APOL5: variants seen among roughly 807,000 people sequenced by gnomAD.
APOL5 encodes the protein apolipoprotein L5.
In APOL5, 29 loss-of-function variants were observed where a neutral mutation model predicts 35.5. That is an observed-to-expected ratio of 0.82 (90% CI 0.61 to 1.11). The LOEUF is 1.11. Ranked by LOEUF, APOL5 falls within the 50% of genes most tolerant of loss-of-function variation. The pLI is 0.00. For missense variants in APOL5, 514 were observed against 530.4 expected, an observed-to-expected ratio of 0.97 and a Z score of 0.30; for synonymous variants, 188 against 200.2, an observed-to-expected ratio of 0.94 and a Z score of 0.51.
chr22:35,714,105 A>T (rs1247067489), upstream of APOL5, among the ~76,000 whole-genome samples: 3 of 152,154 alleles, frequency 2.0e-5, no homozygotes, highest in Non-Finnish European at 4.4e-5. Context: ...TGAGGTCAGG[A>T]GTTTAAGACC....
chr22:35,713,367 C>T (rs576975491), upstream of APOL5, among the ~76,000 whole-genome samples: 14 of 152,262 alleles, frequency 9.2e-5, no homozygotes, highest in African/African-American at 2.4e-4. Flanking sequence ...GGCTTGACAG[C>T]GAAAGAAACA....
the APOL5 span, among the ~76,000 whole-genome samples, chr22:35,709,864 T>C: frequency 6.6e-6 from 1 of 152,112 alleles, no homozygotes; most frequent in South Asian, 2.1e-4. Context: ...TCTTCTCTTC[T>C]TTCCTAAGCT....
upstream of APOL5, among the ~76,000 whole-genome samples, chr22:35,717,013 G>A (rs1405630743): frequency 1.9e-4 from 18 of 94,292 alleles, no homozygotes; most frequent in Admixed American, 6.0e-4. Flanking sequence ...GTGTTGTGCC[G>A]TTGTGTTGTG....
In APOL5 at chr22:35,727,049, G is replaced by A; in HGVS notation, c.981G>A (p.Glu327=). 6.2e-7 allele frequency: 1 copy of A among 1,613,934 alleles called. No homozygotes were observed. Among genetic ancestry groups the A allele is most frequent in the South Asian group, 1.1e-5 (1 of 91,080 alleles). The change falls in exon 3 of 5, where the codon GAG becomes GAA. Residue 327 remains glutamate, a synonymous_variant. Coordinates refer to ENST00000249044, the MANE Select transcript of APOL5 (RefSeq NM_030642.1). ...LEDGARTETA[E]ELRALAKKLE... ...ATGGGGCAAGGACGGAGACAGCAGA[G>A]GAACTGAGAGCACTTGCTAAGAAGC...
In APOL5 at chr22:35,726,278, G is replaced by C. The variant is rs770253459; in HGVS notation, c.210G>C (p.Glu70Asp). The C allele has an allele frequency of 1.9e-6, 3 of 1,614,192 alleles. No homozygotes were observed. Among genetic ancestry groups the C allele is most frequent in the East Asian group, 4.5e-5 (2 of 44,882 alleles). Residue 70 changes from glutamate to aspartate, a missense_variant, in exon 3 of 5, where the codon GAG (glutamate) becomes GAC (aspartate). Transcript: ENST00000249044. The part of the protein sequence containing the change: ...NNLMSTVHSD[E>D]AGMLSYFLFE... ...TGATGTCAACTGTCCACAGTGATGAGGCTGGTATGCTGTCCTACTTTCTGT... is the reference window on the plus strand; with the variant it reads ...TGATGTCAACTGTCCACAGTGATGACGCTGGTATGCTGTCCTACTTTCTGT...
chr22:35,727,109 C>T lies in APOL5; in HGVS notation c.1041C>T (p.His347=), dbSNP rs545674131. ...AGCTGGACCGGCTCACCCAGCACCA[C>T]CGGCACCTGCCGCAGAAGGCGAGCC... ...EQELDRLTQH[H]RHLPQKASQT... Residue 347 remains histidine, a synonymous_variant, in exon 3 of 5, where the codon CAC becomes CAT. Coordinates refer to ENST00000249044, the MANE Select transcript of APOL5 (RefSeq NM_030642.1). 96 of 1,610,154 alleles carry T rather than the reference C, an allele frequency of 6.0e-5. 1 individual carries two copies. Among genetic ancestry groups the T allele is most frequent in the Admixed American group, 4.7e-4 (28 of 60,034 alleles).
chr22:35,720,607 T>A lies in APOL5; in HGVS notation c.95T>A (p.Val32Glu). 4 of 1,614,144 alleles carry A rather than the reference T, an allele frequency of 2.5e-6. No individual in the cohort carries two copies. The highest frequency in any genetic ancestry group is 3.4e-6 in the Non-Finnish European group (4 of 1,180,024). The change falls in exon 2 of 5, where the codon GTA becomes GAA. Residue 32 changes from valine (V) to glutamate (E), a missense_variant. Coordinates refer to ENST00000249044, the MANE Select transcript of APOL5 (RefSeq NM_030642.1). ...TGTAAAGAAATGTGGCTTCGAAAGG[T>A]AATCTACGGAGGTGAGGTCTGGGGG... Reference protein sequence around the residue: ...EGCKEMWLRKVIYGGEVWGKS... With the variant: ...EGCKEMWLRKEIYGGEVWGKS...
At chr22:35,710,181 G>A in the APOL5 span, among the ~76,000 whole-genome samples, 6 of 129,618 alleles carry the variant, frequency 4.6e-5, no homozygotes, top group African/African-American at 1.5e-4. Flanking sequence ...GGAGTGCAGT[G>A]CTGTGATTAT....
Position 35,720,619 on chromosome 22 carries a change from G to A in APOL5, c.107G>A (p.Gly36Asp). ...TGGCTTCGAAAGGTAATCTACGGAG[G>A]TGAGGTCTGGGGGAAGTCCCCAGAA... is the stretch of plus-strand genomic sequence containing the variant. ...EMWLRKVIYG[G>D]EVWGKSPEPE... is the part of the protein sequence containing the mutation. The change falls in exon 2 of 5, where the codon GGT becomes GAT. Residue 36 changes from glycine to aspartate, a missense_variant. Transcript: ENST00000249044. 1.2e-6 allele frequency: 2 copies of A among 1,614,138 alleles called. No individual in the cohort carries two copies. Among genetic ancestry groups the A allele is most frequent in the Non-Finnish European group, 1.7e-6 (2 of 1,180,020 alleles).
rs192678547 is a variant in APOL5 at position 35,722,287 on chromosome 22, T to C, written c.142+1633T>C. ...ATGATTTTTCCTATCTTGGGGAAAA[T>C]CAGCCAGTGGTTGAGGCAGACTAGA... On this transcript the variant is annotated intron_variant, in intron 2 of 4. Transcript: ENST00000249044. Among the ~76,000 whole-genome samples, 72 of 152,232 alleles carry C rather than the reference T, an allele frequency of 4.7e-4. 1 individual carries two copies. The East Asian group carries it at 0.01, about 22-fold the overall frequency.
upstream of APOL5, among the ~76,000 whole-genome samples, chr22:35,714,339 C>T (rs1294281472): frequency 3.3e-5 from 5 of 152,076 alleles, no homozygotes; most frequent in Non-Finnish European, 7.4e-5. Context: ...TAAAAATCTG[C>T]GTTATCCCTC....
At chr22:35,715,576 G>A (rs901322972), upstream of APOL5, among the ~76,000 whole-genome samples, 1 of 152,152 alleles carries the variant, frequency 6.6e-6, no homozygotes, top group Non-Finnish European at 1.5e-5. Flanking sequence ...AACAAGGGAG[G>A]CAGAGGTTGC....
At position 35,727,168 on chromosome 22, in the gene APOL5, G is replaced by A. The variant is rs201903384; in HGVS notation, c.1100G>A (p.Arg367Gln). ...TCSSSRGRAV[R>Q]GSRVVKPEGS... ...TCCAGCTCCCGGGGCAGGGCTGTTC[G>A]AGGATCCCGTGTGGTTAAACCAGAA... Residue 367 changes from arginine (R) to glutamine (Q), a missense_variant, in exon 3 of 5, where the codon CGA becomes CAA. Physicochemically the swap from Arg to Gln is conservative, Grantham distance 43. Coordinates refer to ENST00000249044, the MANE Select transcript of APOL5 (RefSeq NM_030642.1). The A allele has an allele frequency of 9.4e-6, 15 of 1,603,666 alleles. No homozygotes were observed. The Admixed American group carries it at 2.3e-4, about 25-fold the overall frequency.
At chr22:35,717,489 CA>C (rs1926793075), upstream of APOL5, among the ~76,000 whole-genome samples, 1 of 150,128 alleles carries the variant, frequency 6.7e-6, no homozygotes, top group Non-Finnish European at 1.5e-5. Context: ...CCTGTAATCC[CA>C]GCATTTTGAG....
intron 3 of APOL5, among the ~76,000 whole-genome samples, chr22:35,727,438 T>A (rs988123193): frequency 1.3e-5 from 2 of 152,120 alleles, no homozygotes; most frequent in African/African-American, 4.8e-5. Context: ...CCCATATTTG[T>A]GTGTTTGTGG....
At chr22:35,708,881 C>T in the APOL5 span, among the ~76,000 whole-genome samples, 15 of 152,162 alleles carry the variant, frequency 9.9e-5, no homozygotes, top group Non-Finnish European at 1.8e-4. Context: ...GTGGACTACT[C>T]GAGAGGTAGC....
intron 2 of APOL5, among the ~76,000 whole-genome samples, chr22:35,724,511 A>G (rs748643351): frequency 6.6e-6 from 1 of 152,118 alleles, no homozygotes; most frequent in Non-Finnish European, 1.5e-5. Flanking sequence ...ATGTATGTAT[A>G]TCTTTATTAG....
upstream of APOL5, among the ~76,000 whole-genome samples, chr22:35,713,800 G>T (rs1323141972): frequency 1.3e-5 from 2 of 152,134 alleles, no homozygotes; most frequent in Non-Finnish European, 2.9e-5. Flanking sequence ...CCTACAACGG[G>T]AGATGCTAGA....
chr22:35,725,674 G>C (rs1048892324), intron 2 of APOL5, among the ~76,000 whole-genome samples: 10 of 152,126 alleles, frequency 6.6e-5, no homozygotes, highest in Non-Finnish European at 1.3e-4. Flanking sequence ...TGCGCTGAGC[G>C]GGTTCCTGGG....
Sources: gnomAD v4.1 joint callset for allele counts (sites outside exome capture counted in the v4.1 genomes callset) on GRCh38, gnomAD v4.1.1 for gene constraint, MANE v1.5 for transcripts, NCBI Gene and HGNC (gene_info 2026-07-23, HGNC 2026-07-21) for gene names.